Variants in PPP2R2B observed in about 807,000 individuals in gnomAD.
PPP2R2B encodes the protein protein phosphatase 2 regulatory subunit Bbeta.
Under a neutral mutation model 46.0 loss-of-function variants are expected in PPP2R2B, and 5 were observed. The observed-to-expected ratio is 0.11, with a 90% confidence interval of 0.06 to 0.23. The LOEUF is 0.23. PPP2R2B is among the 10% of genes least tolerant of loss of function. PPP2R2B has a pLI of 1.00. For missense variants in PPP2R2B, 367 were observed against 575.0 expected, an observed-to-expected ratio of 0.64 and a Z score of 3.70; for synonymous variants, 215 against 206.7, an observed-to-expected ratio of 1.04 and a Z score of -0.34.
upstream of PPP2R2B, among the ~76,000 whole-genome samples, chr5:146,883,121 G>A (rs1762219326): frequency 6.6e-6 from 1 of 152,162 alleles, no homozygotes; most frequent in African/African-American, 2.4e-5. Flanking sequence ...GAGGCTTTAG[G>A]TGTCAGACAG....
At chr5:146,636,697 TCACTGAATGCATGAATA>T (rs2151076818) in intron 7 of PPP2R2B, among the ~76,000 whole-genome samples, 1 of 152,346 alleles carries the variant, frequency 6.6e-6, no homozygotes, top group South Asian at 2.1e-4. Flanking sequence ...ATATAAGTAC[TCACTGAATGCATGAATA>T]CATGACAGCA....
chr5:146,747,265 T>C (rs990749563), intron 2 of PPP2R2B, among the ~76,000 whole-genome samples: 1 of 152,124 alleles, frequency 6.6e-6, no homozygotes, highest in Non-Finnish European at 1.5e-5. Flanking sequence ...GACATGGGTG[T>C]AGATAGAAGC....
At chr5:146,598,388 T>C (rs1205301375) in intron 8 of PPP2R2B, among the ~76,000 whole-genome samples, 1 of 152,244 alleles carries the variant, frequency 6.6e-6, no homozygotes, top group African/African-American at 2.4e-5. Context: ...AACTAGGTCA[T>C]ATTTTCTGAC....
intron 1 of PPP2R2B, among the ~76,000 whole-genome samples, chr5:146,924,129 T>A (rs1300832111): frequency 6.6e-6 from 1 of 152,150 alleles, no homozygotes; most frequent in Non-Finnish European, 1.5e-5. Flanking sequence ...GGTACTAGGC[T>A]TAATGCCTGG....
intron 1 of PPP2R2B, among the ~76,000 whole-genome samples, chr5:146,887,992 A>G (rs1301932107): frequency 2.0e-5 from 3 of 152,100 alleles, no homozygotes; most frequent in African/African-American, 7.2e-5. Flanking sequence ...TTTGTATGCA[A>G]TTGAGTACTC....
chr5:146,722,835 A>G (rs1751610861), intron 2 of PPP2R2B, among the ~76,000 whole-genome samples: 1 of 152,208 alleles, frequency 6.6e-6, no homozygotes, highest in Non-Finnish European at 1.5e-5. Context: ...GTGATAGAAT[A>G]TAATTACTAA....
intron 7 of PPP2R2B, among the ~76,000 whole-genome samples, chr5:146,631,703 A>G (rs1774434037): frequency 6.6e-6 from 1 of 152,186 alleles, no homozygotes; most frequent in Non-Finnish European, 1.5e-5. Context: ...TTCTAGCTCC[A>G]CAGGAAAGCC....
chr5:146,829,980 T>C (rs1413343194), intron 2 of PPP2R2B, among the ~76,000 whole-genome samples: 3 of 152,306 alleles, frequency 2.0e-5, no homozygotes, highest in African/African-American at 4.8e-5. Context: ...AGAGGTAAAA[T>C]AGATATTGTG....
intron 2 of PPP2R2B, among the ~76,000 whole-genome samples, chr5:147,079,469 T>TATATATACAC (rs1491141938): frequency 5.0e-5 from 7 of 139,054 alleles, no homozygotes; most frequent in East Asian, 2.1e-4. Context: ...TATATATATA[T>TATATATACAC]ACATGTGCAA....
rs542476842 is a variant in PPP2R2B at position 146,930,057 on chromosome 5, GA to G, written c.79+125607del. ...TGTTCTGTAGGCAGAAGACAGACTA[GA>G]AACGCATAAACCAATAGATGAACAT... On this transcript the variant is annotated intron_variant, in intron 1 of 8. Coordinates refer to the PPP2R2B transcript ENST00000336640. 5.4e-3 allele frequency among the ~76,000 whole-genome samples: 818 copies of G among 152,270 alleles called. 8 individuals are homozygous for G. The highest frequency in any genetic ancestry group is 6.5e-3 in the Non-Finnish European group (445 of 68,016).
chr5:146,691,732 C>G (rs1473840322), intron 4 of PPP2R2B, among the ~76,000 whole-genome samples: 2 of 152,100 alleles, frequency 1.3e-5, no homozygotes, highest in Non-Finnish European at 2.9e-5. Flanking sequence ...CCTTTCTGAC[C>G]CCCCTGTCCA....
At chr5:146,820,160 A>G (rs1217906397) in intron 2 of PPP2R2B, among the ~76,000 whole-genome samples, 1 of 152,188 alleles carries the variant, frequency 6.6e-6, no homozygotes, top group East Asian at 1.9e-4. Flanking sequence ...ATAGTTAACA[A>G]TAAGATATTG....
intron 5 of PPP2R2B, among the ~76,000 whole-genome samples, chr5:146,653,398 T>C (rs1437658951): frequency 6.6e-6 from 1 of 152,176 alleles, no homozygotes; most frequent in Non-Finnish European, 1.5e-5. Flanking sequence ...GTGTTCATGG[T>C]ATTTGAACAG....
At chr5:146,999,354 G>A (rs1349358659) in intron 1 of PPP2R2B, among the ~76,000 whole-genome samples, 1 of 152,146 alleles carries the variant, frequency 6.6e-6, no homozygotes, top group African/African-American at 2.4e-5. Context: ...TATTGCATTA[G>A]ACCAGATCTG....
intron 5 of PPP2R2B, among the ~76,000 whole-genome samples, chr5:146,662,855 C>T (rs1051415082): frequency 1.3e-5 from 2 of 151,348 alleles, no homozygotes; most frequent in Non-Finnish European, 2.9e-5. Context: ...ACAAACAGCT[C>T]AGTAAAAATA....
In PPP2R2B at chr5:146,877,969, C is replaced by T. The variant is rs767408938; in HGVS notation, c.70+33G>A. 1.9e-6 allele frequency: 3 copies of T among 1,604,424 alleles called. No individual in the cohort carries two copies. In the Admixed American group the frequency reaches 5.0e-5, roughly 27 times the overall value. The stretch of plus-strand genomic sequence containing the variant: ...CAGTGATCCGCAACTTGCGCCCGGC[C>T]CCAACGGCGGAATGCGGCGGGGCTG... On this transcript the variant is annotated intron_variant, in intron 2 of 9. Coordinates refer to ENST00000394411, the MANE Select transcript of PPP2R2B (RefSeq NM_181675.4).
At chr5:146,922,197 T>C (rs917483869) in intron 1 of PPP2R2B, 2 of 152,232 alleles carry the variant, frequency 1.3e-5, no homozygotes, top group African/African-American at 4.8e-5. Context: ...TAATATCAAT[T>C]AGCTTCTGCA....
chr5:146,608,091 G>T (rs1404895510), intron 7 of PPP2R2B, among the ~76,000 whole-genome samples: 1 of 152,284 alleles, frequency 6.6e-6, no homozygotes, highest in East Asian at 1.9e-4. Flanking sequence ...GTCAGACTTG[G>T]CTGTATGCCA....
At chr5:146,753,914 T>G (rs1404891502) in intron 2 of PPP2R2B, among the ~76,000 whole-genome samples, 3 of 152,114 alleles carry the variant, frequency 2.0e-5, no homozygotes, top group African/African-American at 7.2e-5. Context: ...TAAACAGCAG[T>G]TAAGCTTCCC....
Sources: allele counts gnomAD v4.1 joint callset (sites outside exome capture counted in the v4.1 genomes callset), GRCh38; gene constraint gnomAD v4.1.1; transcripts MANE v1.5; gene names NCBI Gene and HGNC (gene_info 2026-07-23, HGNC 2026-07-21).